The following UNC13C variants were observed in gnomAD, a reference collection of about 807,000 sequenced individuals.
UNC13C encodes unc-13 homolog C.
Under a neutral mutation model 245.4 loss-of-function variants are expected in UNC13C, and 174 were observed. The observed-to-expected ratio is 0.71, with a 90% CI of 0.63 to 0.80. UNC13C has a LOEUF of 0.80. Ranked by LOEUF, UNC13C falls within the 30% of genes least tolerant of loss-of-function variation. The pLI, the probability that UNC13C is intolerant of heterozygous loss-of-function variation, is 0.00. For synonymous variants in UNC13C, 992 were observed against 895.1 expected (o/e 1.11, Z -1.93); for missense variants, 2,829 against 2,602.9 (o/e 1.09, Z -1.89).
chr15:54,188,521 C>T lies in UNC13C; in HGVS notation c.3071+44837C>T, dbSNP rs558271027. Among the ~76,000 whole-genome samples, 10 of 152,194 alleles carry T rather than the reference C, an allele frequency of 6.6e-5. No homozygotes were observed. In the East Asian group the frequency reaches 7.7e-4, roughly 12 times the overall value. ...TTTTAAATTCATTAGCGAAGTGGGA[C>T]GCTGCTAAACAGTTTTCAAATATTA... On this transcript the variant is annotated intron_variant, in intron 4 of 32. Coordinates refer to ENST00000260323, the MANE Select transcript of UNC13C (RefSeq NM_001080534.3).
chr15:54,523,895 C>T (rs911210688), intron 24 of UNC13C, among the ~76,000 whole-genome samples: 1 of 152,016 alleles, frequency 6.6e-6, no homozygotes, highest in African/African-American at 2.4e-5. Flanking sequence ...TCCCTCTTCC[C>T]CAACATTTTT....
chr15:54,093,775 G>A (rs1479259879), intron 2 of UNC13C, among the ~76,000 whole-genome samples: 1 of 152,070 alleles, frequency 6.6e-6, no homozygotes, highest in Non-Finnish European at 1.5e-5. Flanking sequence ...GTCACATTCA[G>A]CTTTTTATCA....
At chr15:54,530,262 A>G (rs117024629) in intron 25 of UNC13C, among the ~76,000 whole-genome samples, 1 of 152,244 alleles carries the variant, frequency 6.6e-6, no homozygotes, top group African/African-American at 2.4e-5. Context: ...TAATTGACGT[A>G]TCTATCACCT....
rs1330255295 is a variant in UNC13C at position 54,627,678 on chromosome 15, TATCACTGTG to T, written c.*567_*575del. On this transcript the variant is annotated 3_prime_UTR_variant, in exon 33 of 33. Transcript: ENST00000260323. ...TGACCAGTTTCCAACCTTTCTGAAA[TATCACTGTG>T]AAGAAATGCTGTTAAAGCAAACTTA... The T allele has an allele frequency of 6.6e-6, 1 of 152,568 alleles. No homozygotes were observed. The highest frequency in any genetic ancestry group is 1.5e-5 in the Non-Finnish European group (1 of 68,030). 9.5% of individuals were successfully genotyped at this position (152,568 alleles called of 1,614,324 possible). A position where few individuals can be genotyped will look rare whatever the true frequency, so the allele number is the denominator to read the frequency against.
chr15:53,922,711 A>G, the UNC13C span, among the ~76,000 whole-genome samples: 1 of 152,316 alleles, frequency 6.6e-6, no homozygotes, highest in South Asian at 2.1e-4. Context: ...ATTGACTTAC[A>G]TCAACAGAGC....
intron 1 of UNC13C, among the ~76,000 whole-genome samples, chr15:53,985,645 C>T (rs1894107070): frequency 6.6e-6 from 1 of 151,868 alleles, no homozygotes; most frequent in African/African-American, 2.4e-5. Context: ...TGAACACAAC[C>T]ACTGAAAGGC....
At chr15:54,167,328 C>A (rs1349210042) in intron 4 of UNC13C, among the ~76,000 whole-genome samples, 1 of 151,666 alleles carries the variant, frequency 6.6e-6, no homozygotes, top group East Asian at 2.0e-4. Flanking sequence ...TGGTGAAACC[C>A]CGTCTCTACT....
intron 19 of UNC13C, among the ~76,000 whole-genome samples, chr15:54,449,466 G>T (rs1209350834): frequency 1.3e-5 from 2 of 152,142 alleles, no homozygotes; most frequent in African/African-American, 4.8e-5. Context: ...TTGAGGCTTT[G>T]TTTGTTTCGT....
rs2038490527 is a variant in UNC13C at position 54,333,349 on chromosome 15, A to G, written c.4495-418A>G. On this transcript the variant is annotated intron_variant, in intron 15 of 32. Transcript: ENST00000260323. ...TAACTTTTAAAGTTTTTTTGTGACTAAAAGTAAATGCAGCACATGTATAAT... is the reference window on the plus strand; with the variant it reads ...TAACTTTTAAAGTTTTTTTGTGACTGAAAGTAAATGCAGCACATGTATAAT... Among the ~76,000 whole-genome samples, 3 of 152,048 alleles carry G rather than the reference A, an allele frequency of 2.0e-5. No individual in the cohort carries two copies. In the South Asian group the frequency reaches 6.2e-4, roughly 31 times the overall value.
intron 17 of UNC13C, among the ~76,000 whole-genome samples, chr15:54,349,077 A>G (rs1325828609): frequency 6.7e-6 from 1 of 149,256 alleles, no homozygotes; most frequent in East Asian, 1.9e-4. Context: ...TTTGATATAT[A>G]CAAATATATC....
chr15:54,602,576 T>C (rs1899497953), intron 30 of UNC13C, among the ~76,000 whole-genome samples: 1 of 152,204 alleles, frequency 6.6e-6, no homozygotes, highest in Non-Finnish European at 1.5e-5. Flanking sequence ...TTCTTTTTAT[T>C]TTGAGATTAT....
At chr15:53,994,650 G>T (rs888117007) in intron 1 of UNC13C, among the ~76,000 whole-genome samples, 2 of 152,068 alleles carry the variant, frequency 1.3e-5, no homozygotes, top group Non-Finnish European at 2.9e-5. Flanking sequence ...TACTACAAAA[G>T]AAGGATGAAT....
At chr15:53,987,648 A>G (rs529767445) in intron 1 of UNC13C, among the ~76,000 whole-genome samples, 2 of 152,116 alleles carry the variant, frequency 1.3e-5, no homozygotes, top group South Asian at 2.1e-4. Flanking sequence ...GGACTCAGCA[A>G]TTGGCTCTGA....
intron 4 of UNC13C, among the ~76,000 whole-genome samples, chr15:54,165,821 T>A (rs182569665): frequency 2.6e-4 from 40 of 152,160 alleles, no homozygotes; most frequent in Admixed American, 2.0e-3. Context: ...TCCCTCTCTC[T>A]TTTTCTGTTT....
Position 54,013,859 on chromosome 15 carries a change from C to G in UNC13C, c.956C>G (p.Ala319Gly), listed in dbSNP as rs370911264. 2 of 1,613,330 alleles carry G rather than the reference C, an allele frequency of 1.2e-6. No individual in the cohort carries two copies. The highest frequency in any genetic ancestry group is 1.3e-5 in the African/African-American group (1 of 74,950). The change falls in exon 2 of 33, where the codon GCA becomes GGA. Residue 319 changes from alanine to glycine, a missense_variant. Coordinates refer to ENST00000260323, the MANE Select transcript of UNC13C (RefSeq NM_001080534.3). ...CACTTAGGTCATATGGGTAGCAAGG[C>G]AAGCCTGAGATTTTTAAATGTGACT... is the stretch of plus-strand genomic sequence containing the variant. The part of the protein sequence containing the change: ...IKHLGHMGSK[A>G]SLRFLNVTEE...
intron 19 of UNC13C, among the ~76,000 whole-genome samples, chr15:54,422,844 G>T (rs556674665): frequency 6.6e-4 from 100 of 151,542 alleles, no homozygotes; most frequent in South Asian, 4.0e-3. Context: ...CTGGTTATTT[G>T]TTCACTTCTT....
At chr15:54,366,481 C>G (rs768158900) in intron 17 of UNC13C, among the ~76,000 whole-genome samples, 1 of 152,166 alleles carries the variant, frequency 6.6e-6, no homozygotes, top group East Asian at 1.9e-4. Context: ...TATGAACACA[C>G]ATACACACAC....
chr15:53,871,047 A>G, the UNC13C span, among the ~76,000 whole-genome samples: 4 of 152,158 alleles, frequency 2.6e-5, no homozygotes, highest in East Asian at 1.9e-4. Flanking sequence ...ATTCTAGTTC[A>G]TTCTCATTTA....
chr15:54,448,050 G>A (rs527706220), intron 19 of UNC13C, among the ~76,000 whole-genome samples: 59 of 152,304 alleles, frequency 3.9e-4, no homozygotes, highest in Admixed American at 2.7e-3. Context: ...TCATTCAGGA[G>A]CAGGTTGTTC....
Sources: gnomAD v4.1 joint callset for allele counts (sites outside exome capture counted in the v4.1 genomes callset) on GRCh38, gnomAD v4.1.1 for gene constraint, MANE v1.5 for transcripts, NCBI Gene and HGNC (gene_info 2026-07-23, HGNC 2026-07-21) for gene names.